Variants in CACNA2D1 observed in about 807,000 individuals in gnomAD.
The protein encoded by CACNA2D1 is calcium voltage-gated channel auxiliary subunit alpha2delta 1, also known as voltage-dependent calcium channel subunit alpha-2/delta-1.
Under a neutral mutation model 171.5 loss-of-function variants are expected in CACNA2D1, and 53 were observed. The observed-to-expected ratio is 0.31, with a 90% CI of 0.25 to 0.39. CACNA2D1 has a LOEUF of 0.39. Ranked by LOEUF, CACNA2D1 falls within the 10% of genes least tolerant of loss-of-function variation. The probability of loss-of-function intolerance (pLI) is 1.00; values close to 1 mark genes in which losing one functional copy is unlikely to be tolerated. For missense variants in CACNA2D1, 903 were observed against 1,299.8 expected (o/e 0.69, Z 4.69); for synonymous variants, 442 against 443.1 (o/e 1.00, Z 0.03).
chr7:82,191,715 C>T (rs980475330), intron 3 of CACNA2D1, among the ~76,000 whole-genome samples: 8 of 151,616 alleles, frequency 5.3e-5, no homozygotes, highest in Non-Finnish European at 8.9e-5. Flanking sequence ...TAGAGGCATA[C>T]GTGTGTATGT....
intron 11 of CACNA2D1, among the ~76,000 whole-genome samples, chr7:82,034,979 C>T (rs1803129140): frequency 6.6e-6 from 1 of 152,088 alleles, no homozygotes; most frequent in Non-Finnish European, 1.5e-5. Flanking sequence ...GAGCCAAGTA[C>T]ATAATAGCAA....
intron 5 of CACNA2D1, among the ~76,000 whole-genome samples, chr7:82,118,091 A>G (rs1048885738): frequency 6.6e-6 from 1 of 152,182 alleles, no homozygotes; most frequent in Non-Finnish European, 1.5e-5. Flanking sequence ...AAATACAATT[A>G]AATCCTAATT....
chr7:82,048,658 T>C (rs1409421806), intron 10 of CACNA2D1, among the ~76,000 whole-genome samples: 1 of 152,260 alleles, frequency 6.6e-6, no homozygotes, highest in East Asian at 1.9e-4. Flanking sequence ...CAATTTACAT[T>C]TGAATTTCTT....
chr7:82,315,572 A>G (rs201796488), intron 3 of CACNA2D1, among the ~76,000 whole-genome samples: 3 of 152,164 alleles, frequency 2.0e-5, no homozygotes, highest in East Asian at 3.9e-4. Context: ...ACAGCACTAA[A>G]AGAAAGTTGA....
At chr7:82,140,309 AT>A (rs1436043607) in intron 4 of CACNA2D1, among the ~76,000 whole-genome samples, 1 of 152,288 alleles carries the variant, frequency 6.6e-6, no homozygotes, top group African/African-American at 2.4e-5. Context: ...GTAAAACTAA[AT>A]TTCTTCTTCA....
At chr7:81,988,441 C>T (rs372560654) in intron 21 of CACNA2D1, among the ~76,000 whole-genome samples, 1 of 152,116 alleles carries the variant, frequency 6.6e-6, no homozygotes, top group East Asian at 1.9e-4. Flanking sequence ...ATATGCTCTC[C>T]TCTTCTGTCT....
intron 7 of CACNA2D1, among the ~76,000 whole-genome samples, chr7:82,068,291 C>A: frequency 6.6e-6 from 1 of 152,144 alleles, no homozygotes; most frequent in Non-Finnish European, 1.5e-5. Context: ...GGAGAGCTTA[C>A]AAGGAAAGAC....
At chr7:82,370,561 G>A (rs1822281397) in intron 1 of CACNA2D1, among the ~76,000 whole-genome samples, 1 of 137,072 alleles carries the variant, frequency 7.3e-6, no homozygotes, top group Admixed American at 7.8e-5. Flanking sequence ...ATGGATGGAT[G>A]GATGGATGGA....
intron 7 of CACNA2D1, among the ~76,000 whole-genome samples, chr7:82,074,047 G>T (rs1387628066): frequency 6.6e-6 from 1 of 152,100 alleles, no homozygotes; most frequent in African/African-American, 2.4e-5. Flanking sequence ...ATATAATACA[G>T]GGGTAAACAA....
rs142479480 is a variant in CACNA2D1 at position 82,308,620 on chromosome 7, G to A, written c.294+26515C>T. 1.6e-3 allele frequency among the ~76,000 whole-genome samples: 241 copies of A among 152,278 alleles called. 1 individual carries two copies. The highest frequency in any genetic ancestry group is 5.5e-3 in the African/African-American group (229 of 41,568). The stretch of plus-strand genomic sequence containing the variant: ...TTGTAAAAAAGATTTACACCTATAA[G>A]AAAACTCTCCATTTGTAAGGGAATC... On this transcript the variant is annotated intron_variant, in intron 3 of 38. Coordinates refer to ENST00000356860, the MANE Select transcript of CACNA2D1 (RefSeq NM_000722.4).
chr7:82,241,223 C>T (rs537236715), intron 3 of CACNA2D1, among the ~76,000 whole-genome samples: 2 of 152,240 alleles, frequency 1.3e-5, no homozygotes, highest in South Asian at 4.1e-4. Flanking sequence ...ACGAATCAGA[C>T]ACCTTTGTAA....
intron 4 of CACNA2D1, among the ~76,000 whole-genome samples, chr7:82,150,267 AAACAAAAACAACAAC>A (rs1344103175): frequency 4.7e-5 from 4 of 85,610 alleles, no homozygotes; most frequent in East Asian, 2.6e-4. Context: ...TAAAAAAAAA[AAACAAAAACAACAAC>A]AAAAAAAAAC....
intron 6 of CACNA2D1, among the ~76,000 whole-genome samples, chr7:82,092,339 A>G (rs1311168065): frequency 6.6e-6 from 1 of 152,138 alleles, no homozygotes; most frequent in Non-Finnish European, 1.5e-5. Context: ...TTATCTGAAG[A>G]AAATACAATA....
Position 82,443,697 on chromosome 7 carries a change from G to T in CACNA2D1, c.-238C>A. ...GCGTGCGTCGGCTGCTCCGCGCCGC[G>T]GCCGCCTTGCCTCCGCCGCCATCAA... On this transcript the variant is annotated 5_prime_UTR_variant, in exon 1 of 39. Coordinates refer to ENST00000356860, the MANE Select transcript of CACNA2D1 (RefSeq NM_000722.4). The T allele has an allele frequency of 2.4e-6, 3 of 1,236,440 alleles. No homozygotes were observed. The highest frequency in any genetic ancestry group is 4.2e-5 in the Admixed American group (1 of 23,686). 76.6% of individuals were successfully genotyped at this position (1,236,440 alleles called of 1,614,324 possible).
At chr7:82,439,864 AT>A (rs895810458) in intron 1 of CACNA2D1, among the ~76,000 whole-genome samples, 18 of 151,924 alleles carry the variant, frequency 1.2e-4, no homozygotes, top group African/African-American at 4.1e-4. Context: ...TACATTTAAT[AT>A]TTTATCTCAT....
At chr7:82,248,273 C>A (rs1238663722) in intron 3 of CACNA2D1, among the ~76,000 whole-genome samples, 1 of 152,154 alleles carries the variant, frequency 6.6e-6, no homozygotes, top group East Asian at 1.9e-4. Context: ...TTCCATAGAT[C>A]CATTCATGTC....
intron 3 of CACNA2D1, among the ~76,000 whole-genome samples, chr7:82,303,180 G>A (rs907457405): frequency 3.3e-5 from 5 of 151,946 alleles, no homozygotes; most frequent in African/African-American, 9.7e-5. Context: ...TGTATTTTTA[G>A]TAGAGACGGG....
intron 3 of CACNA2D1, among the ~76,000 whole-genome samples, chr7:82,298,699 T>C (rs1375934221): frequency 6.6e-6 from 1 of 152,046 alleles, no homozygotes; most frequent in Non-Finnish European, 1.5e-5. Context: ...GCAGGGGCTA[T>C]AGGCGCATGC....
intron 3 of CACNA2D1, among the ~76,000 whole-genome samples, chr7:82,186,175 A>AGAAG (rs1199135547): frequency 3.6e-5 from 4 of 111,472 alleles, no homozygotes; most frequent in South Asian, 3.7e-4. Flanking sequence ...AAAAAGAGAG[A>AGAAG]GAAGGAAGGA....
Sources: gnomAD v4.1 joint callset for allele counts (sites outside exome capture counted in the v4.1 genomes callset) on GRCh38, gnomAD v4.1.1 for gene constraint, MANE v1.5 for transcripts, NCBI Gene and HGNC (gene_info 2026-07-23, HGNC 2026-07-21) for gene names.